Variants in FAM107B observed in about 807,000 individuals in gnomAD.
The protein encoded by FAM107B is protein FAM107B.
In FAM107B, 21 loss-of-function variants were observed where a neutral mutation model predicts 31.5. That is an observed-to-expected ratio of 0.67 (90% CI 0.47 to 0.96). The LOEUF (loss-of-function observed/expected upper bound fraction) is 0.96. Among genes scored for constraint, FAM107B ranks in the 40% least tolerant of loss-of-function variants. The probability of loss-of-function intolerance (pLI) is 0.00; values close to 1 mark genes in which losing one functional copy is unlikely to be tolerated. For synonymous variants in FAM107B, 157 were observed against 141.5 expected (o/e 1.11, Z -0.78); for missense variants, 452 against 377.1 (o/e 1.20, Z -1.64).
At chr10:14,523,718 T>C (rs577318477) in intron 3 of FAM107B, among the ~76,000 whole-genome samples, 3 of 152,276 alleles carry the variant, frequency 2.0e-5, no homozygotes, top group African/African-American at 7.2e-5. Context: ...GTCCACACAA[T>C]CACATCTGTA....
intron 1 of FAM107B, among the ~76,000 whole-genome samples, chr10:14,708,834 T>C (rs1045760030): frequency 2.0e-5 from 3 of 152,148 alleles, no homozygotes; most frequent in Admixed American, 2.0e-4. Flanking sequence ...GATCTGAACA[T>C]ACACTTCACC....
chr10:14,663,318 T>C (rs945614178), intron 2 of FAM107B: 3 of 152,266 alleles, frequency 2.0e-5, no homozygotes, highest in African/African-American at 7.2e-5. Context: ...CTATTAGTTC[T>C]GTCCCTCTAG....
intron 2 of FAM107B, among the ~76,000 whole-genome samples, chr10:14,581,360 G>C (rs1000741407): frequency 6.6e-6 from 1 of 152,226 alleles, no homozygotes; most frequent in African/African-American, 2.4e-5. Flanking sequence ...CTGCGGTAGG[G>C]TGCCACGAGG....
chr10:14,690,731 C>T (rs1265848541), intron 1 of FAM107B, among the ~76,000 whole-genome samples: 1 of 152,040 alleles, frequency 6.6e-6, no homozygotes, highest in South Asian at 2.1e-4. Flanking sequence ...GGATTACAGG[C>T]GTGAGCCACC....
rs926353664 is a variant in FAM107B at position 14,520,029 on chromosome 10, T to C, written c.*1161A>G. Reference sequence around the variant, plus strand: ...GCTGTTCCTGAGAGATGCAATATAGTAGTCATCGACATCATCCTTATCAAC... The same window carrying C: ...GCTGTTCCTGAGAGATGCAATATAGCAGTCATCGACATCATCCTTATCAAC... On this transcript the variant is annotated 3_prime_UTR_variant, in exon 5 of 5. Coordinates refer to ENST00000181796, the MANE Select transcript of FAM107B (RefSeq NM_031453.4). 1 of 152,632 alleles carries C rather than the reference T, an allele frequency of 6.6e-6. No homozygotes were observed. The highest frequency in any genetic ancestry group is 1.5e-5 in the Non-Finnish European group (1 of 68,040). The allele number at this position is 152,632 out of a possible 1,614,324, so 9.5% of individuals were successfully genotyped here.
chr10:14,543,863 C>T lies in FAM107B; in HGVS notation c.470-13348G>A, dbSNP rs1848465256. ...AAGAGTTTGGCTCACCTGCTGGTCT[C>T]CACCACACAGGTTTATAACCAAGAG... On this transcript the variant is annotated intron_variant, in intron 2 of 4. Coordinates refer to ENST00000181796, the MANE Select transcript of FAM107B (RefSeq NM_031453.4). 2.0e-5 allele frequency among the ~76,000 whole-genome samples: 3 copies of T among 152,246 alleles called. No individual in the cohort carries two copies. In the South Asian group the frequency reaches 6.2e-4, roughly 32 times the overall value.
chr10:14,580,123 G>T (rs1223465574), intron 2 of FAM107B, among the ~76,000 whole-genome samples: 1 of 152,158 alleles, frequency 6.6e-6, no homozygotes, highest in African/African-American at 2.4e-5. Flanking sequence ...ACTTTGGGAG[G>T]CCCAGGTGGG....
At chr10:14,736,450 G>T (rs189402677) in intron 1 of FAM107B, among the ~76,000 whole-genome samples, 38 of 152,298 alleles carry the variant, frequency 2.5e-4, no homozygotes, top group Admixed American at 2.0e-3. Flanking sequence ...AACTGTTTGG[G>T]ATGGCTTTCT....
At chr10:14,683,719 G>C (rs1437453609) in intron 1 of FAM107B, among the ~76,000 whole-genome samples, 1 of 152,132 alleles carries the variant, frequency 6.6e-6, no homozygotes, top group Admixed American at 6.5e-5. Context: ...CAGCTACTTA[G>C]AGCATCTAAT....
At chr10:14,571,952 C>T (rs1851261469) in intron 2 of FAM107B, 2 of 985,212 alleles carry the variant, frequency 2.0e-6, no homozygotes, top group South Asian at 9.4e-5. Flanking sequence ...GCTCCTTAAG[C>T]CCAAGGTAGC....
At chr10:14,634,476 A>C (rs1462645708) in intron 2 of FAM107B, among the ~76,000 whole-genome samples, 1 of 152,046 alleles carries the variant, frequency 6.6e-6, no homozygotes, top group Admixed American at 6.5e-5. Context: ...AGCTGGGTTT[A>C]TTTGCATGGA....
intron 1 of FAM107B, among the ~76,000 whole-genome samples, chr10:14,722,585 T>C (rs1280597583): frequency 4.6e-5 from 7 of 152,356 alleles, no homozygotes; most frequent in Admixed American, 3.3e-4. Flanking sequence ...ATATTGAGAA[T>C]CTTGTCATGT....
chr10:14,639,754 C>A (rs1410425148), intron 2 of FAM107B, among the ~76,000 whole-genome samples: 1 of 152,140 alleles, frequency 6.6e-6, no homozygotes, highest in African/African-American at 2.4e-5. Context: ...CTCATTTACT[C>A]TTCCAGCCTC....
At chr10:14,631,412 G>A (rs542087547) in intron 2 of FAM107B, among the ~76,000 whole-genome samples, 1 of 152,218 alleles carries the variant, frequency 6.6e-6, no homozygotes, top group African/African-American at 2.4e-5. Flanking sequence ...TGTTTAAACA[G>A]AAGAGATGAA....
intron 1 of FAM107B, among the ~76,000 whole-genome samples, chr10:14,691,402 T>C (rs1855130998): frequency 2.0e-5 from 3 of 152,234 alleles, no homozygotes; most frequent in African/African-American, 7.2e-5. Flanking sequence ...TGCAGGTTAC[T>C]CTGCGGGCCA....
intron 1 of FAM107B, among the ~76,000 whole-genome samples, chr10:14,753,551 T>C (rs1832870672): frequency 6.6e-6 from 1 of 152,204 alleles, no homozygotes; most frequent in Non-Finnish European, 1.5e-5. Flanking sequence ...CTTAGTTAAC[T>C]CCCAAAGTGA....
intron 2 of FAM107B, among the ~76,000 whole-genome samples, chr10:14,587,777 G>A (rs779815704): frequency 2.0e-5 from 3 of 152,152 alleles, no homozygotes; most frequent in Non-Finnish European, 4.4e-5. Context: ...TGCTCAATTC[G>A]AAGCTACGGG....
chr10:14,677,585 C>G (rs548955174), intron 1 of FAM107B, among the ~76,000 whole-genome samples: 2 of 152,114 alleles, frequency 1.3e-5, no homozygotes, highest in South Asian at 2.1e-4. Context: ...GGCGCCACTG[C>G]ACTCCAGCCT....
At position 14,629,448 on chromosome 10, in the gene FAM107B, AT is replaced by A. The variant is rs1423770456; in HGVS notation, c.469+38185del. On this transcript the variant is annotated intron_variant, in intron 2 of 4. Coordinates refer to ENST00000181796, the MANE Select transcript of FAM107B (RefSeq NM_031453.4). ...ATATAATATATATTATATATATATT[AT>A]ATATATATTATATATATATTTAATA... 1.9e-3 allele frequency among the ~76,000 whole-genome samples: 13 copies of A among 6,748 alleles called. 1 individual carries two copies. The highest frequency in any genetic ancestry group is 9.8e-3 in the African/African-American group (10 of 1,022). The allele number at this position is 6,748 out of a possible 152,430, so 4.4% of individuals were successfully genotyped here. A position where few individuals can be genotyped will look rare whatever the true frequency, so the allele number is the denominator to read the frequency against.
Sources: allele counts gnomAD v4.1 joint callset (sites outside exome capture counted in the v4.1 genomes callset), GRCh38; gene constraint gnomAD v4.1.1; transcripts MANE v1.5; gene names NCBI Gene and HGNC (gene_info 2026-07-23, HGNC 2026-07-21).